NOTCH3: variants seen among roughly 807,000 people sequenced by gnomAD.
NOTCH3 encodes neurogenic locus notch homolog protein 3.
In NOTCH3, 86 loss-of-function variants were observed where a neutral mutation model predicts 213.3. The ratio of observed to expected loss-of-function variants is 0.40; its 90% CI spans 0.34 to 0.48. The LOEUF (loss-of-function observed/expected upper bound fraction) is 0.48, where lower values mean the gene tolerates loss of function less well. NOTCH3 is among the 20% of genes least tolerant of loss of function. The pLI is 0.57. For missense variants in NOTCH3, 2,783 were observed against 3,272.6 expected (o/e 0.85, Z 3.65); for synonymous variants, 1,354 against 1,355.9 (o/e 1.00, Z 0.03).
intron 1 of NOTCH3, among the ~76,000 whole-genome samples, 154 bp downstream of exon 1, chr19:15,200,634 G>T (rs1258046090): frequency 6.6e-6 from 1 of 151,904 alleles, no homozygotes; most frequent in African/African-American, 2.4e-5. Context: ...TGAATCTCTG[G>T]GTCCTCCAGG....
Position 15,181,001 on chromosome 19 carries a change from C to T in NOTCH3, c.2954G>A (p.Arg985His), listed in dbSNP as rs779592020. ...GVCSAAHPGF[R>H]CTCLESFTGP... ...CGTGAAGCTCTCGAGGCAGGTGCAGCGGAAGCCAGGGTGGGCGGCGCTGCA... is the reference window on the plus strand; with the variant it reads ...CGTGAAGCTCTCGAGGCAGGTGCAGTGGAAGCCAGGGTGGGCGGCGCTGCA... The change falls in exon 18 of 33, where the codon CGC becomes CAC. Residue 985 changes from arginine to histidine, a missense_variant. By Grantham distance (29) the Arg-to-His change is conservative. Coordinates refer to ENST00000263388, the MANE Select transcript of NOTCH3 (RefSeq NM_000435.3). The T allele has an allele frequency of 1.9e-6, 3 of 1,597,646 alleles. No homozygotes were observed. The highest frequency in any genetic ancestry group is 2.3e-5 in the East Asian group (1 of 44,016).
chr19:15,171,522 G>T (rs971515128), intron 25 of NOTCH3, among the ~76,000 whole-genome samples: 27 of 151,550 alleles, frequency 1.8e-4, no homozygotes, highest in South Asian at 2.1e-4. Flanking sequence ...GCTAATTTTT[G>T]GGGGGGGTTG....
chr19:15,185,582 G>C lies in NOTCH3; in HGVS notation c.2049C>G (p.Cys683Trp), dbSNP rs1482222763. The change falls in exon 13 of 33, where the codon TGC (cysteine) becomes TGG (tryptophan). Residue 683 changes from cysteine to tryptophan, a missense_variant. Physicochemically the swap from Cys to Trp is radical, Grantham distance 215 (BLOSUM62 -2). Coordinates refer to ENST00000263388, the MANE Select transcript of NOTCH3 (RefSeq NM_000435.3). This position sits in a 1 kb window ranked among gnomAD's most constrained non-coding sequence, Gnocchi z 4.2. ...AGAGTGGGGGCAAGGAGCCAGGCGG[G>C]CAGAGGCAGCGGAAGCCATTTTCCC... ...VDGENGFRCL[C>W]PPGSLPPLCL... The C allele has an allele frequency of 6.2e-7, 1 of 1,613,524 alleles. No individual in the cohort carries two copies. Among genetic ancestry groups the C allele is most frequent in the South Asian group, 1.1e-5 (1 of 91,088 alleles).
chr19:15,173,130 A>T (rs1599372816), intron 25 of NOTCH3, among the ~76,000 whole-genome samples: 1 of 92,036 alleles, frequency 1.1e-5, no homozygotes, highest in Non-Finnish European at 2.1e-5. Flanking sequence ...TTTTTTTTTA[A>T]GAGATCGGAG....
intron 2 of NOTCH3, among the ~76,000 whole-genome samples, chr19:15,196,246 C>A (rs1414300493): frequency 6.6e-6 from 1 of 152,230 alleles, no homozygotes; most frequent in East Asian, 1.9e-4. Context: ...ATTCACCTGT[C>A]GGCAGTATTC....
At chr19:15,191,356 A>G in intron 6 of NOTCH3, 68 bp downstream of exon 6, 1 of 1,344,110 alleles carries the variant, frequency 7.4e-7, no homozygotes, top group Non-Finnish European at 1.1e-6. Flanking sequence ...CTAACACTCA[A>G]GTCAGACTTC....
intron 24 of NOTCH3, 119 bp downstream of exon 24, chr19:15,177,406 G>T: frequency 1.1e-6 from 1 of 876,342 alleles, no homozygotes; most frequent in Non-Finnish European, 1.9e-6. Flanking sequence ...GGCAGATAGA[G>T]TGCACAGAGA....
chr19:15,192,341 C>T (rs778714620), intron 3 of NOTCH3, 36 bp downstream of exon 3: 10 of 1,612,734 alleles, frequency 6.2e-6, no homozygotes, highest in Non-Finnish European at 8.5e-6. Context: ...TGACCACACC[C>T]CCGACTACCT....
At chr19:15,192,922 C>A (rs1218651313) in intron 2 of NOTCH3, among the ~76,000 whole-genome samples, 4 of 151,808 alleles carry the variant, frequency 2.6e-5, no homozygotes, top group Non-Finnish European at 4.4e-5. Context: ...CTCAAAGAAA[C>A]AAAACAAAAC....
rs1286531346 is a variant in NOTCH3 at position 15,187,347 on chromosome 19, C to T, written c.1607-9G>A. ...CAGCGTGCCCTCAAAGCCTGTGGGGCCAAGAGGGTCAGGCTCCGCCCACTT... is the reference window on the plus strand; with the variant it reads ...CAGCGTGCCCTCAAAGCCTGTGGGGTCAAGAGGGTCAGGCTCCGCCCACTT... On this transcript the variant is annotated splice_polypyrimidine_tract_variant and intron_variant, in intron 10 of 32. Transcript: ENST00000263388. The T allele has an allele frequency of 6.2e-7, 1 of 1,611,192 alleles. No individual in the cohort carries two copies.
chr19:15,197,280 G>A (rs776155419), intron 2 of NOTCH3, among the ~76,000 whole-genome samples: 15 of 152,154 alleles, frequency 9.9e-5, no homozygotes, highest in Non-Finnish European at 1.5e-4. Context: ...ATTCCTAGCC[G>A]GTCAGCAACA....
chr19:15,188,023 C>T lies in NOTCH3; in HGVS notation c.1493-29G>A, dbSNP rs1432858580. Reference sequence around the variant, plus strand: ...GGGTGGGGAGTGGGATGAGCAGAGGCCCAGAAAGGGTGAGAGCAGTACACC... The same window carrying T: ...GGGTGGGGAGTGGGATGAGCAGAGGTCCAGAAAGGGTGAGAGCAGTACACC... On this transcript the variant is annotated intron_variant, in intron 9 of 32. Transcript: ENST00000263388. 5.9e-6 allele frequency: 9 copies of T among 1,521,156 alleles called. No homozygotes were observed. The East Asian group carries it at 2.2e-4, about 37-fold the overall frequency. 94.2% of individuals were successfully genotyped at this position (1,521,156 alleles called of 1,614,324 possible). A position where few individuals can be genotyped will look rare whatever the true frequency, so the allele number is the denominator to read the frequency against.
intron 29 of NOTCH3, among the ~76,000 whole-genome samples, chr19:15,166,788 A>T (rs2046689425): frequency 6.6e-6 from 1 of 152,088 alleles, no homozygotes; most frequent in African/African-American, 2.4e-5. Flanking sequence ...CTGGGTAGAG[A>T]CTGACCTCCC....
intron 29 of NOTCH3, among the ~76,000 whole-genome samples, chr19:15,166,536 G>A (rs1440049689): frequency 6.6e-6 from 1 of 152,092 alleles, no homozygotes; most frequent in Non-Finnish European, 1.5e-5. Flanking sequence ...CTGCCCCCAG[G>A]GACATAAAAT....
At chr19:15,195,936 A>AG (rs569102469) in intron 2 of NOTCH3, among the ~76,000 whole-genome samples, 4 of 118,758 alleles carry the variant, frequency 3.4e-5, no homozygotes, top group African/African-American at 1.3e-4. Flanking sequence ...AGACCTAGTT[A>AG]GGGGGGGCAC....
chr19:15,183,765 C>T (rs1186848448), intron 16 of NOTCH3, among the ~76,000 whole-genome samples: 1 of 151,970 alleles, frequency 6.6e-6, no homozygotes, highest in Admixed American at 6.6e-5. Flanking sequence ...AGACAGTGCA[C>T]TTAGGTCGGG....
At chr19:15,183,232 C>T (rs11671336) in intron 16 of NOTCH3, among the ~76,000 whole-genome samples, 117,524 of 152,050 alleles carry the variant, frequency 0.77, 46,413 homozygotes, top group Non-Finnish European at 0.86. Context: ...CCAGCCTGGG[C>T]GACAGAGCCT....
intron 6 of NOTCH3, among the ~76,000 whole-genome samples, chr19:15,191,208 G>A (rs1017929676): frequency 2.7e-5 from 4 of 148,896 alleles, no homozygotes; most frequent in African/African-American, 9.9e-5. Flanking sequence ...TAATTTTTGT[G>A]TTTTTAGTAG....
At chr19:15,196,733 T>C in intron 2 of NOTCH3, among the ~76,000 whole-genome samples, 1 of 152,148 alleles carries the variant, frequency 6.6e-6, no homozygotes, top group East Asian at 1.9e-4. Context: ...TCTGAGCACT[T>C]AATGTATGTT....
Sources: gnomAD v4.1 joint callset for allele counts (sites outside exome capture counted in the v4.1 genomes callset) on GRCh38, gnomAD v4.1.1 for gene constraint, Gnocchi (gnomAD v3.1) non-coding constraint, MANE v1.5 for transcripts, NCBI Gene and HGNC (gene_info 2026-07-23, HGNC 2026-07-21) for gene names.